MICAL2: variants seen among roughly 807,000 people sequenced by gnomAD.
The protein encoded by MICAL2 is microtubule associated monooxygenase, calponin and LIM domain containing 2.
MICAL2 carries 77 observed loss-of-function variants against 127.3 expected under a neutral mutation model. The ratio of observed to expected loss-of-function variants is 0.60; its 90% CI spans 0.50 to 0.73. The LOEUF (loss-of-function observed/expected upper bound fraction) is 0.73, where lower values mean the gene tolerates loss of function less well. Among genes scored for constraint, MICAL2 ranks in the 30% least tolerant of loss-of-function variants. The pLI, the probability that MICAL2 is intolerant of heterozygous loss-of-function variation, is 0.00. For missense variants in MICAL2, 1,351 were observed against 1,434.4 expected (o/e 0.94, Z 0.94); for synonymous variants, 570 against 551.1 (o/e 1.03, Z -0.48).
chr11:12,247,680 C>A (rs1179076120), intron 21 of MICAL2, among the ~76,000 whole-genome samples: 3 of 152,228 alleles, frequency 2.0e-5, no homozygotes, highest in Non-Finnish European at 4.4e-5. Context: ...CTCTGCCCCA[C>A]CATTGATTCA....
intron 2 of MICAL2, among the ~76,000 whole-genome samples, chr11:12,149,333 G>A (rs1339261169): frequency 6.6e-6 from 1 of 152,160 alleles, no homozygotes; most frequent in Non-Finnish European, 1.5e-5. Context: ...AAGATGTTTG[G>A]ACTTCACCCT....
chr11:12,337,439 G>A lies in MICAL2; in HGVS notation c.5515+10173G>A, dbSNP rs1474939175. Among the ~76,000 whole-genome samples the A allele has an allele frequency of 3.3e-5, 5 of 152,134 alleles. No individual in the cohort carries two copies. In the South Asian group the frequency reaches 8.3e-4, roughly 25 times the overall value. On this transcript the variant is annotated intron_variant, in intron 32 of 34. Coordinates refer to the MICAL2 transcript ENST00000646065. ...TCATTGATTTTTTGAAGGGTTTTTT[G>A]TGTCTCTATTTCCTTCAGTTCTGCT...
chr11:12,351,833 C>T (rs1939051349), intron 33 of MICAL2, among the ~76,000 whole-genome samples: 1 of 151,856 alleles, frequency 6.6e-6, no homozygotes, highest in South Asian at 2.1e-4. Context: ...CTCTTTCACC[C>T]TGGCTGGAGT....
chr11:12,128,792 C>T (rs1851160581), intron 1 of MICAL2, among the ~76,000 whole-genome samples: 1 of 152,204 alleles, frequency 6.6e-6, no homozygotes, highest in Admixed American at 6.5e-5. Flanking sequence ...CCAGCACTTA[C>T]CAGCCATGTA....
chr11:12,345,812 C>G (rs1010506959), intron 32 of MICAL2, among the ~76,000 whole-genome samples: 4 of 152,120 alleles, frequency 2.6e-5, no homozygotes, highest in African/African-American at 9.7e-5. Flanking sequence ...GAGAGGGTCT[C>G]TCCATTTTGG....
intron 34 of MICAL2, chr11:12,358,271 A>T (rs1170321161): frequency 6.2e-7 from 1 of 1,609,726 alleles, no homozygotes; most frequent in African/African-American, 1.3e-5. Flanking sequence ...CTCTGAGCCC[A>T]GTGGTTTTCT....
intron 2 of MICAL2, among the ~76,000 whole-genome samples, chr11:12,150,443 A>G (rs1335362414): frequency 6.6e-6 from 1 of 151,988 alleles, no homozygotes; most frequent in Non-Finnish European, 1.5e-5. Flanking sequence ...AAAACAAACA[A>G]AAACAAAAAA....
At chr11:12,165,990 C>A (rs1855467990) in intron 3 of MICAL2, among the ~76,000 whole-genome samples, 1 of 152,190 alleles carries the variant, frequency 6.6e-6, no homozygotes, top group Admixed American at 6.5e-5. Flanking sequence ...GAGGATCATG[C>A]CAAATGAACT....
At chr11:12,271,978 A>T (rs1863680442), upstream of MICAL2, among the ~76,000 whole-genome samples, 1 of 152,158 alleles carries the variant, frequency 6.6e-6, no homozygotes, top group Admixed American at 6.5e-5. Context: ...GTCTGGGTTC[A>T]CTGTGAGAGA....
intron 3 of MICAL2, among the ~76,000 whole-genome samples, chr11:12,189,090 T>C (rs1201419250): frequency 6.6e-6 from 1 of 152,166 alleles, no homozygotes; most frequent in African/African-American, 2.4e-5. Context: ...CCTGAGTCAG[T>C]TTCACTTCTT....
intron 29 of MICAL2, among the ~76,000 whole-genome samples, chr11:12,316,764 A>G (rs562545704): frequency 6.6e-6 from 1 of 152,256 alleles, no homozygotes; most frequent in Middle Eastern, 3.4e-3. Context: ...TTCTTTAATT[A>G]AGGAATTAAA....
At chr11:12,317,741 C>G (rs1307328815) in intron 29 of MICAL2, among the ~76,000 whole-genome samples, 1 of 150,144 alleles carries the variant, frequency 6.7e-6, no homozygotes, top group Non-Finnish European at 1.5e-5. Context: ...GCGGTGAGCC[C>G]AGATCATGCC....
intron 3 of MICAL2, among the ~76,000 whole-genome samples, chr11:12,195,013 G>T (rs1441334714): frequency 6.6e-6 from 1 of 152,182 alleles, no homozygotes; most frequent in Non-Finnish European, 1.5e-5. Flanking sequence ...TATAATCCCA[G>T]CAGCACTTTG....
chr11:12,152,780 T>TA (rs200016731), intron 2 of MICAL2, among the ~76,000 whole-genome samples: 4,679 of 152,220 alleles, frequency 0.031, 95 homozygotes, highest in Middle Eastern at 0.051. Context: ...ATTGAACCAA[T>TA]AAAAAACAGC....
intron 3 of MICAL2, among the ~76,000 whole-genome samples, chr11:12,180,989 G>A (rs571495352): frequency 3.1e-4 from 41 of 132,802 alleles, no homozygotes; most frequent in African/African-American, 9.1e-4. Context: ...GTGAAATGGC[G>A]TGATCTCAGC....
At chr11:12,229,412 A>G (rs1344400332) in intron 15 of MICAL2, among the ~76,000 whole-genome samples, 4 of 152,142 alleles carry the variant, frequency 2.6e-5, no homozygotes, top group Admixed American at 6.5e-5. Flanking sequence ...CACTGAGTAA[A>G]TGGGGCTGTC....
intron 3 of MICAL2, among the ~76,000 whole-genome samples, chr11:12,190,003 T>A (rs72866026): frequency 0.3 from 45,982 of 152,150 alleles, 8,387 homozygotes; most frequent in Middle Eastern, 0.44. Context: ...TCTAGACACT[T>A]TGGTCTGTTC....
Position 12,239,506 on chromosome 11 carries a change from A to C in MICAL2, c.2135A>C (p.Gln712Pro). ...GGGAGCAGTAAGGAAGGTGGAAATC[A>C]GAACAAAGTCAAGTCCATGGCGAAT... ...ECGSSKEGGN[Q>P]NKVKSMANQL... Residue 712 changes from glutamine (Q) to proline (P), a missense_variant, in exon 17 of 28, where the codon CAG becomes CCG. Coordinates refer to ENST00000683283, the MANE Select transcript of MICAL2 (RefSeq NM_001282663.2). 1 of 1,614,254 alleles carries C rather than the reference A, an allele frequency of 6.2e-7. No homozygotes were observed. The highest frequency in any genetic ancestry group is 1.1e-5 in the South Asian group (1 of 91,080).
chr11:12,309,501 T>C (rs1348408994), intron 29 of MICAL2, among the ~76,000 whole-genome samples: 7 of 152,190 alleles, frequency 4.6e-5, no homozygotes, highest in Admixed American at 3.9e-4. Context: ...TTGAGGCAAA[T>C]GACAAGATTT....
Sources: gnomAD v4.1 joint callset for allele counts (sites outside exome capture counted in the v4.1 genomes callset) on GRCh38, gnomAD v4.1.1 for gene constraint, MANE v1.5 for transcripts, NCBI Gene and HGNC (gene_info 2026-07-23, HGNC 2026-07-21) for gene names.